Variants in PDE4B observed in about 807,000 individuals in gnomAD.
The protein encoded by PDE4B is 3',5'-cyclic-AMP phosphodiesterase 4B.
PDE4B carries 20 observed loss-of-function variants against 82.2 expected under a neutral mutation model. The ratio of observed to expected loss-of-function variants is 0.24; its 90% CI spans 0.17 to 0.35. The LOEUF (loss-of-function observed/expected upper bound fraction) is 0.35. PDE4B is among the 10% of genes least tolerant of loss of function. The pLI, the probability that PDE4B is intolerant of heterozygous loss-of-function variation, is 1.00. For synonymous variants in PDE4B, 320 were observed against 318.9 expected (o/e 1.00, Z -0.04); for missense variants, 655 against 907.2 (o/e 0.72, Z 3.57).
Position 65,800,380 on chromosome 1 carries a change from A to G in PDE4B, c.-71+7132A>G, listed in dbSNP as rs12239948. 3.6e-3 allele frequency among the ~76,000 whole-genome samples: 547 copies of G among 152,326 alleles called. 2 individuals carry two copies. Among genetic ancestry groups the G allele is most frequent in the African/African-American group, 0.013 (526 of 41,566 alleles). On this transcript the variant is annotated intron_variant, in intron 1 of 16. Transcript: ENST00000341517. ...TGGGAATGTTGTACAAAAAGATATA[A>G]CAGAATGAGGCAGTTTTTTTCTAGT...
chr1:66,106,423 G>T lies in PDE4B; in HGVS notation c.282-141037G>T, dbSNP rs375220966. Among the ~76,000 whole-genome samples the T allele has an allele frequency of 4.3e-4, 65 of 152,170 alleles. No homozygotes were observed. In the East Asian group the frequency reaches 5.4e-3, roughly 13 times the overall value. ...TCTTTTTTAGTTGTGTCTCTGCCAGGCTTTGGTATCAGGATGATGCTGGCC... is the reference window on the plus strand; with the variant it reads ...TCTTTTTTAGTTGTGTCTCTGCCAGTCTTTGGTATCAGGATGATGCTGGCC... On this transcript the variant is annotated intron_variant, in intron 3 of 16. Transcript: ENST00000341517.
intron 3 of PDE4B, among the ~76,000 whole-genome samples, chr1:65,980,359 A>G (rs1650623469): frequency 6.6e-6 from 1 of 152,166 alleles, no homozygotes; most frequent in African/African-American, 2.4e-5. Context: ...TGTACAGAAA[A>G]ATGGTGTTTT....
At chr1:65,925,828 G>A (rs1012611855) in intron 3 of PDE4B, among the ~76,000 whole-genome samples, 2 of 152,130 alleles carry the variant, frequency 1.3e-5, no homozygotes, top group African/African-American at 4.8e-5. Context: ...TTGGTAGATT[G>A]ATCAGAGGGT....
At chr1:66,150,210 G>A (rs1252467953) in intron 3 of PDE4B, among the ~76,000 whole-genome samples, 1 of 152,024 alleles carries the variant, frequency 6.6e-6, no homozygotes, top group African/African-American at 2.4e-5. Context: ...AGATGGTGTT[G>A]GCTATTTAGG....
chr1:65,934,727 C>T (rs1648028319), intron 3 of PDE4B, among the ~76,000 whole-genome samples: 1 of 152,014 alleles, frequency 6.6e-6, no homozygotes, highest in Non-Finnish European at 1.5e-5. Context: ...AGTGGCTATA[C>T]TTATATCAGA....
chr1:66,116,567 C>G (rs1453411664), intron 3 of PDE4B, among the ~76,000 whole-genome samples: 1 of 152,060 alleles, frequency 6.6e-6, no homozygotes, highest in African/African-American at 2.4e-5. Flanking sequence ...AAAGACCCCC[C>G]CAGCCCACCA....
At chr1:66,175,719 A>C (rs1055358363) in intron 3 of PDE4B, among the ~76,000 whole-genome samples, 4 of 152,222 alleles carry the variant, frequency 2.6e-5, no homozygotes, top group African/African-American at 9.6e-5. Context: ...TAACATTTGA[A>C]GAATGACATT....
chr1:66,190,607 G>C (rs4440835), intron 3 of PDE4B, among the ~76,000 whole-genome samples: 73,978 of 151,846 alleles, frequency 0.49, 19,119 homozygotes, highest in South Asian at 0.63. Flanking sequence ...AGCAATGAGT[G>C]AGGCTCTGTG....
intron 3 of PDE4B, among the ~76,000 whole-genome samples, chr1:66,191,468 T>C (rs1647795993): frequency 6.6e-6 from 1 of 152,208 alleles, no homozygotes. Flanking sequence ...TTACAATGTA[T>C]ATTTAAAAAT....
At chr1:66,184,373 C>T (rs1647136670) in intron 3 of PDE4B, among the ~76,000 whole-genome samples, 1 of 152,136 alleles carries the variant, frequency 6.6e-6, no homozygotes, top group Non-Finnish European at 1.5e-5. Flanking sequence ...TATCTGCCAG[C>T]CACTATTCCA....
intron 3 of PDE4B, among the ~76,000 whole-genome samples, chr1:65,990,114 T>G (rs951536293): frequency 1.3e-5 from 2 of 152,168 alleles, no homozygotes; most frequent in Non-Finnish European, 2.9e-5. Flanking sequence ...TTAGAATGAT[T>G]CTCAAAATTT....
At chr1:66,201,419 T>G (rs1648938044) in intron 3 of PDE4B, among the ~76,000 whole-genome samples, 1 of 152,162 alleles carries the variant, frequency 6.6e-6, no homozygotes, top group Non-Finnish European at 1.5e-5. Context: ...TCAGAAGGAA[T>G]GGTGCCAGTT....
intron 1 of PDE4B, among the ~76,000 whole-genome samples, chr1:65,826,666 A>G (rs1646020975): frequency 2.0e-5 from 3 of 152,194 alleles, no homozygotes; most frequent in Admixed American, 2.0e-4. Context: ...GCCTGAGAGA[A>G]CTGGTGCAAA....
chr1:65,995,290 T>C (rs965513965), intron 3 of PDE4B, among the ~76,000 whole-genome samples: 1 of 152,312 alleles, frequency 6.6e-6, no homozygotes, highest in Non-Finnish European at 1.5e-5. Context: ...TTTCTATTGT[T>C]TTATCTGAAT....
intron 3 of PDE4B, among the ~76,000 whole-genome samples, chr1:66,202,291 G>T (rs1084489): frequency 0.52 from 70,344 of 135,258 alleles, 16,217 homozygotes; most frequent in East Asian, 0.59. Context: ...TTGGAATAGG[G>T]GTGGTGTGGT....
At chr1:66,173,231 C>T (rs773734342) in intron 3 of PDE4B, among the ~76,000 whole-genome samples, 1 of 152,080 alleles carries the variant, frequency 6.6e-6, no homozygotes, top group Non-Finnish European at 1.5e-5. Flanking sequence ...TTCTAAGACA[C>T]GAGAAGGAAA....
At chr1:65,960,284 A>G (rs908810985) in intron 3 of PDE4B, among the ~76,000 whole-genome samples, 5 of 152,030 alleles carry the variant, frequency 3.3e-5, no homozygotes, top group African/African-American at 1.2e-4. Flanking sequence ...CACAGTTCCA[A>G]GAAGCCCAAG....
chr1:66,017,044 T>A (rs1459321788), intron 3 of PDE4B, among the ~76,000 whole-genome samples: 1 of 152,070 alleles, frequency 6.6e-6, no homozygotes, highest in Non-Finnish European at 1.5e-5. Context: ...ATAGGGAGCA[T>A]TAGGTTGGAA....
intron 3 of PDE4B, among the ~76,000 whole-genome samples, chr1:66,227,841 C>G (rs1321988052): frequency 2.0e-5 from 3 of 152,232 alleles, no homozygotes; most frequent in Non-Finnish European, 2.9e-5. Flanking sequence ...GATCTGATCT[C>G]TACCCCAAAC....
Sources: allele counts gnomAD v4.1 joint callset (sites outside exome capture counted in the v4.1 genomes callset), GRCh38; gene constraint gnomAD v4.1.1; transcripts MANE v1.5; gene names NCBI Gene and HGNC (gene_info 2026-07-23, HGNC 2026-07-21).